The following PKP2 variants were observed in gnomAD, a reference collection of about 807,000 sequenced individuals.
PKP2 encodes plakophilin 2.
Under a neutral mutation model 83.4 loss-of-function variants are expected in PKP2, and 73 were observed. The ratio of observed to expected loss-of-function variants is 0.88; its 90% CI spans 0.72 to 1.06. The LOEUF (loss-of-function observed/expected upper bound fraction) is 1.06, where lower values mean the gene tolerates loss of function less well. PKP2 is among the 50% of genes least tolerant of loss of function. PKP2 has a pLI of 0.00. For missense variants in PKP2, 966 were observed against 1,065.4 expected (o/e 0.91, Z 1.30); for synonymous variants, 409 against 430.4 (o/e 0.95, Z 0.62).
In PKP2 at chr12:32,821,414, T is replaced by C. The variant is rs140852019; in HGVS notation, c.1955A>G (p.Asn652Ser). ...TCCTAAGGATGCTTCTTGTGTGTAG[T>C]TGCGGACACTTTTGGCGATCAAGGA... is the stretch of plus-strand genomic sequence containing the variant. The part of the protein sequence containing the change: ...YLSLIAKSVR[N>S]YTQEASLGAL... Residue 652 changes from asparagine (N) to serine (S), a missense_variant, in exon 9 of 13, where the codon AAC becomes AGC. Transcript: ENST00000340811. 154 of 1,614,146 alleles carry C rather than the reference T, an allele frequency of 9.5e-5. No individual in the cohort carries two copies. The African/African-American group carries it at 1.8e-3, about 19-fold the overall frequency.
At chr12:32,841,686 T>A (rs1012310206) in intron 5 of PKP2, among the ~76,000 whole-genome samples, 2 of 152,162 alleles carry the variant, frequency 1.3e-5, no homozygotes, top group African/African-American at 2.4e-5. Flanking sequence ...ACTGTAACTT[T>A]CACCTGACAT....
At chr12:32,825,142 A>C (rs1956423362) in intron 6 of PKP2, among the ~76,000 whole-genome samples, 2 of 151,328 alleles carry the variant, frequency 1.3e-5, no homozygotes, top group Non-Finnish European at 2.9e-5. Context: ...CTGTCCCTAT[A>C]AAATGTATCA....
intron 1 of PKP2, among the ~76,000 whole-genome samples, chr12:32,892,824 G>GGGC (rs1555149554): frequency 1.8e-5 from 2 of 113,486 alleles, no homozygotes; most frequent in African/African-American, 6.3e-5. Flanking sequence ...GGGGCGGGGG[G>GGGC]GGGGGGAGAA....
At chr12:32,813,254 G>A (rs1282713019) in intron 9 of PKP2, among the ~76,000 whole-genome samples, 1 of 152,138 alleles carries the variant, frequency 6.6e-6, no homozygotes, top group African/African-American at 2.4e-5. Context: ...GACCTCTTGT[G>A]AACTCTCATA....
chr12:32,871,709 C>T (rs1399922002), intron 3 of PKP2, among the ~76,000 whole-genome samples: 1 of 152,100 alleles, frequency 6.6e-6, no homozygotes, highest in African/African-American at 2.4e-5. Flanking sequence ...CGTGATCCAC[C>T]CACCTCAGCC....
rs1457118403 is a variant in PKP2, at chr12:32,791,568, T to C, written c.*856A>G. ...TGGCCAAAAAAGTCCAGGAAAGGCA[T>C]TACATAGAATGCCATCGTTTAGAAG... is the stretch of plus-strand genomic sequence containing the variant. On this transcript the variant is annotated 3_prime_UTR_variant, in exon 13 of 13. Coordinates refer to ENST00000340811, the MANE Select transcript of PKP2 (RefSeq NM_001005242.3). 2.0e-5 allele frequency: 3 copies of C among 152,234 alleles called. No individual in the cohort carries two copies. The highest frequency in any genetic ancestry group is 4.4e-5 in the Non-Finnish European group (3 of 68,066). 9.4% of individuals were successfully genotyped at this position (152,234 alleles called of 1,614,324 possible).
chr12:32,793,698 C>A (rs1027644084), intron 11 of PKP2, among the ~76,000 whole-genome samples: 4 of 139,278 alleles, frequency 2.9e-5, no homozygotes, highest in African/African-American at 5.5e-5. Context: ...CAGGTTCAAG[C>A]GATTCTCCTG....
intron 9 of PKP2, among the ~76,000 whole-genome samples, chr12:32,803,027 G>T (rs1418902000): frequency 1.3e-5 from 2 of 151,882 alleles, no homozygotes; most frequent in African/African-American, 4.8e-5. Flanking sequence ...CTCTTATTAA[G>T]TTTTCAAGTC....
At chr12:32,819,029 G>C (rs1956347310) in intron 9 of PKP2, among the ~76,000 whole-genome samples, 1 of 152,128 alleles carries the variant, frequency 6.6e-6, no homozygotes, top group Non-Finnish European at 1.5e-5. Context: ...TATAATCCCA[G>C]CACTCTGGGA....
chr12:32,858,064 CAA>C (rs777690496), intron 4 of PKP2, among the ~76,000 whole-genome samples: 117 of 27,330 alleles, frequency 4.3e-3, no homozygotes, highest in Non-Finnish European at 5.1e-3. Flanking sequence ...CCCATCTCTA[CAA>C]AAAAAAAAAA....
chr12:32,819,205 G>C (rs991232540), intron 9 of PKP2, among the ~76,000 whole-genome samples: 3 of 151,912 alleles, frequency 2.0e-5, no homozygotes, highest in Admixed American at 2.0e-4. Flanking sequence ...TTGAACCCGG[G>C]AGGCAGAAGT....
chr12:32,797,445 CAAAAAA>C (rs548021913), intron 10 of PKP2, among the ~76,000 whole-genome samples: 4 of 67,184 alleles, frequency 6.0e-5, no homozygotes, highest in African/African-American at 1.9e-4. Context: ...GACCCTGTCT[CAAAAAA>C]AAAAAAAAAA....
intron 10 of PKP2, among the ~76,000 whole-genome samples, chr12:32,798,345 C>A (rs1956150121): frequency 6.6e-6 from 1 of 152,034 alleles, no homozygotes; most frequent in South Asian, 2.1e-4. Context: ...CCCGCCTCAG[C>A]CTCCCAAACT....
chr12:32,850,398 G>A (rs936045636), intron 5 of PKP2, among the ~76,000 whole-genome samples: 2 of 151,782 alleles, frequency 1.3e-5, no homozygotes, highest in East Asian at 1.9e-4. Context: ...TAGAAACATC[G>A]TCTCTACTAA....
At chr12:32,807,415 G>T (rs1024791427) in intron 9 of PKP2, among the ~76,000 whole-genome samples, 1 of 152,126 alleles carries the variant, frequency 6.6e-6, no homozygotes, top group Non-Finnish European at 1.5e-5. Context: ...TTGAGCCTAA[G>T]TGTGTCTTTG....
rs776363973 is a variant in PKP2, at chr12:32,896,574, C to T, written c.158G>A (p.Ser53Asn). 1.9e-6 allele frequency: 3 copies of T among 1,591,026 alleles called. No homozygotes were observed. The highest frequency in any genetic ancestry group is 2.7e-5 in the African/African-American group (2 of 74,192). ...CTGCACCTGCTCCTGGATCCGCAGG[C>T]TCTTGACTGTCTGGCCGCCGCGGCC... ...SSGRGGQTVK[S>N]LRIQEQVQQT... The change falls in exon 1 of 13, where the codon AGC becomes AAC. Residue 53 changes from serine (S) to asparagine (N), a missense_variant. Transcript: ENST00000340811.
At chr12:32,872,250 G>A in intron 3 of PKP2, among the ~76,000 whole-genome samples, 1 of 152,166 alleles carries the variant, frequency 6.6e-6, no homozygotes, top group East Asian at 1.9e-4. Context: ...CCAGTAACTT[G>A]GCCGGGCGGT....
In PKP2 at chr12:32,796,119, C is replaced by A. The variant is rs1427601698; in HGVS notation, c.2347G>T (p.Ala783Ser). The change falls in exon 11 of 13, where the codon GCA becomes TCA. Residue 783 changes from alanine to serine, a missense_variant. By Grantham distance (99) the Ala-to-Ser change is moderately conservative. Transcript: ENST00000340811. ...GGIQKIMAISAGDAYASNKAS... is the reference protein window; with the variant it reads ...GGIQKIMAISSGDAYASNKAS... ...AACTGAAGGACTTACGCATCGCCTGCACTAATGGCCATAATTTTCTGGATG... is the reference window on the plus strand; with the variant it reads ...AACTGAAGGACTTACGCATCGCCTGAACTAATGGCCATAATTTTCTGGATG... 3 of 1,613,736 alleles carry A rather than the reference C, an allele frequency of 1.9e-6. No individual in the cohort carries two copies. Among genetic ancestry groups the A allele is most frequent in the East Asian group, 4.5e-5 (2 of 44,878 alleles).
Position 32,792,602 on chromosome 12 carries a change from T to C in PKP2, c.2445+42A>G. The stretch of plus-strand genomic sequence containing the variant: ...TCAAGTCAAGTGGGCCATTATTACC[T>C]GGCTCTGTTAACTATGACACATTCC... On this transcript the variant is annotated intron_variant, in intron 12 of 12. Coordinates refer to ENST00000340811, the MANE Select transcript of PKP2 (RefSeq NM_001005242.3). 3 of 1,577,610 alleles carry C rather than the reference T, an allele frequency of 1.9e-6. No homozygotes were observed. The Admixed American group carries it at 5.0e-5, about 26-fold the overall frequency.
Sources: gnomAD v4.1 joint callset for allele counts (sites outside exome capture counted in the v4.1 genomes callset) on GRCh38, gnomAD v4.1.1 for gene constraint, MANE v1.5 for transcripts, NCBI Gene and HGNC (gene_info 2026-07-23, HGNC 2026-07-21) for gene names.